NFAT5: variants seen among roughly 807,000 people sequenced by gnomAD.
NFAT5 encodes nuclear factor of activated T-cells 5.
A neutral mutation model predicts 166.5 loss-of-function variants in NFAT5; 31 were observed. That is an observed-to-expected ratio of 0.19 (90% CI 0.14 to 0.25). NFAT5 has a LOEUF of 0.25. Among genes scored for constraint, NFAT5 ranks in the 10% least tolerant of loss-of-function variants. NFAT5 has a pLI of 1.00. For missense variants in NFAT5, 1,449 were observed against 1,821.8 expected (o/e 0.80, Z 3.72); for synonymous variants, 612 against 639.7 (o/e 0.96, Z 0.65).
chr16:69,606,731 G>A (rs2033432364), intron 2 of NFAT5, among the ~76,000 whole-genome samples: 1 of 152,180 alleles, frequency 6.6e-6, no homozygotes, highest in Non-Finnish European at 1.5e-5. Context: ...TGGTACGCCT[G>A]TAATTCCAGT....
chr16:69,571,744 ATTATTATTATTAT>A (rs1197506443), intron 2 of NFAT5, among the ~76,000 whole-genome samples: 5 of 150,898 alleles, frequency 3.3e-5, no homozygotes, highest in Non-Finnish European at 7.4e-5. Flanking sequence ...GCACTTGGGT[ATTATTATTATTAT>A]TTATTATTAT....
chr16:69,655,059 G>C (rs758648678), intron 5 of NFAT5, among the ~76,000 whole-genome samples: 24 of 152,114 alleles, frequency 1.6e-4, no homozygotes, highest in Non-Finnish European at 3.4e-4. Flanking sequence ...GTTTGAACTA[G>C]CAGTCTCTCA....
intron 7 of NFAT5, among the ~76,000 whole-genome samples, chr16:69,661,685 C>T (rs1203934055): frequency 6.7e-6 from 1 of 150,368 alleles, no homozygotes; most frequent in African/African-American, 2.4e-5. Flanking sequence ...TGCAGTTGTT[C>T]TCAATCCTGG....
chr16:69,608,492 C>T (rs1049190217), intron 2 of NFAT5, among the ~76,000 whole-genome samples: 6 of 152,160 alleles, frequency 3.9e-5, no homozygotes, highest in Non-Finnish European at 5.9e-5. Context: ...CGCGGTGGCT[C>T]ACGCCTGTAA....
At chr16:69,681,242 G>A (rs1343407763) in intron 10 of NFAT5, among the ~76,000 whole-genome samples, 1 of 152,144 alleles carries the variant, frequency 6.6e-6, no homozygotes, top group Non-Finnish European at 1.5e-5. Flanking sequence ...TTACTCGATA[G>A]TGTATTATTA....
chr16:69,579,102 C>A (rs1329678185), intron 2 of NFAT5, among the ~76,000 whole-genome samples: 1 of 152,130 alleles, frequency 6.6e-6, no homozygotes, highest in African/African-American at 2.4e-5. Context: ...TCTGGAACTC[C>A]TGACCTTGTG....
chr16:69,641,093 T>A (rs2035187058), intron 3 of NFAT5, among the ~76,000 whole-genome samples: 1 of 150,896 alleles, frequency 6.6e-6, no homozygotes, highest in Non-Finnish European at 1.5e-5. Context: ...GCCTGGCCAA[T>A]ACGGTGAAAC....
At chr16:69,640,780 G>A (rs1297094414) in intron 3 of NFAT5, among the ~76,000 whole-genome samples, 2 of 152,156 alleles carry the variant, frequency 1.3e-5, no homozygotes, top group Non-Finnish European at 2.9e-5. Context: ...TCAGGAGTTC[G>A]AGACCAGCCT....
intron 3 of NFAT5, among the ~76,000 whole-genome samples, chr16:69,633,323 A>G (rs1266781625): frequency 6.6e-6 from 1 of 151,602 alleles, no homozygotes; most frequent in Admixed American, 6.6e-5. Context: ...GAAAATAGAT[A>G]CAGTTACTGA....
chr16:69,611,344 G>A (rs1427247451), intron 2 of NFAT5, among the ~76,000 whole-genome samples: 1 of 152,138 alleles, frequency 6.6e-6, no homozygotes, highest in Non-Finnish European at 1.5e-5. Flanking sequence ...TAAAATGAAT[G>A]TATGTTGACA....
intron 2 of NFAT5, among the ~76,000 whole-genome samples, chr16:69,570,838 TC>T (rs987906501): frequency 1.3e-5 from 2 of 152,132 alleles, no homozygotes; most frequent in African/African-American, 4.8e-5. Flanking sequence ...AATAATTTAA[TC>T]TTTTTTGCTT....
rs1171701258 is a variant in NFAT5, at chr16:69,692,562, G to T, written c.2737G>T (p.Ala913Ser). The change falls in exon 13 of 15, where the codon GCA becomes TCA. Residue 913 changes from alanine to serine, a missense_variant. Ala to Ser is a moderately conservative substitution (Grantham distance 99). Transcript: ENST00000349945. ...QQQQVMESSA[A>S]MVMEMQQSIC... The stretch of plus-strand genomic sequence containing the variant: ...ACAGCAAGTGATGGAATCTTCAGCC[G>T]CAATGGTGATGGAGATGCAACAGAG... The T allele has an allele frequency of 6.2e-7, 1 of 1,613,974 alleles. No homozygotes were observed. The highest frequency in any genetic ancestry group is 1.3e-5 in the African/African-American group (1 of 74,892).
Position 69,702,003 on chromosome 16 carries a change from C to G in NFAT5, c.*5652C>G, listed in dbSNP as rs1472751585. On this transcript the variant is annotated 3_prime_UTR_variant, in exon 15 of 15. Transcript: ENST00000349945. ...ATTTTGCCTCTATTCCAGCTCCTTA[C>G]CACAGCGGTGGTGCTTAAAGAAAGG... is the stretch of plus-strand genomic sequence containing the variant. The G allele has an allele frequency of 1.3e-5, 2 of 152,614 alleles. No homozygotes were observed. The highest frequency in any genetic ancestry group is 4.8e-5 in the African/African-American group (2 of 41,452). The allele number at this position is 152,614 out of a possible 1,614,324, so 9.5% of individuals were successfully genotyped here.
At chr16:69,627,482 G>A (rs2034524575) in intron 3 of NFAT5, among the ~76,000 whole-genome samples, 1 of 151,638 alleles carries the variant, frequency 6.6e-6, no homozygotes. Context: ...ATTGTTTTCA[G>A]TAAATTATTT....
At chr16:69,682,727 AT>A (rs1174056185) in intron 10 of NFAT5, among the ~76,000 whole-genome samples, 1 of 152,174 alleles carries the variant, frequency 6.6e-6, no homozygotes, top group Admixed American at 6.5e-5. Context: ...TATTACTAGA[AT>A]TAATGTCATG....
intron 2 of NFAT5, among the ~76,000 whole-genome samples, chr16:69,592,483 C>T (rs1004855718): frequency 6.6e-6 from 1 of 152,014 alleles, no homozygotes; most frequent in Non-Finnish European, 1.5e-5. Flanking sequence ...AACATGGGAA[C>T]AGATTGTGAG....
intron 3 of NFAT5, among the ~76,000 whole-genome samples, chr16:69,634,437 A>C (rs547031887): frequency 1.3e-5 from 2 of 152,264 alleles, no homozygotes; most frequent in Non-Finnish European, 2.9e-5. Flanking sequence ...ACTCTTAAAA[A>C]CTAACAAATA....
rs967432697 is a variant in NFAT5 at position 69,677,310 on chromosome 16, A to G, written c.1665A>G (p.Gln555=). Residue 555 remains glutamine, a synonymous_variant, in exon 10 of 15, where the codon CAA becomes CAG. Transcript: ENST00000349945. Reference sequence around the variant, plus strand: ...ATGCTGGAAGATCTCATGATGTTCAACCATTCACTTACACTCCAGACCCAG... The same window carrying G: ...ATGCTGGAAGATCTCATGATGTTCAGCCATTCACTTACACTCCAGACCCAG... ...VTNAGRSHDV[Q]PFTYTPDPAA... The G allele has an allele frequency of 1.9e-5, 31 of 1,609,904 alleles. No homozygotes were observed. The highest frequency in any genetic ancestry group is 2.3e-5 in the Non-Finnish European group (27 of 1,178,814).
chr16:69,679,395 C>G (rs1241258719), intron 10 of NFAT5, among the ~76,000 whole-genome samples: 1 of 151,578 alleles, frequency 6.6e-6, no homozygotes, highest in African/African-American at 2.4e-5. Flanking sequence ...GTGGGCGAAT[C>G]ACTTAAGGCC....
Sources: allele counts gnomAD v4.1 joint callset (sites outside exome capture counted in the v4.1 genomes callset), GRCh38; gene constraint gnomAD v4.1.1; transcripts MANE v1.5; gene names NCBI Gene and HGNC (gene_info 2026-07-23, HGNC 2026-07-21).